DPRX: variants seen among roughly 807,000 people sequenced by gnomAD.
The protein encoded by DPRX is divergent-paired related homeobox.
Under a neutral mutation model 8.4 loss-of-function variants are expected in DPRX, and 11 were observed. The ratio of observed to expected loss-of-function variants is 1.31; its 90% CI spans 0.82 to 2.17. The LOEUF is 2.17. DPRX is among the 30% of genes most tolerant of loss of function. The pLI is 0.00. For synonymous variants in DPRX, 72 were observed against 87.0 expected (o/e 0.83, Z 0.96); for missense variants, 211 against 236.7 (o/e 0.89, Z 0.71).
chr19:53,610,148 T>G, the DPRX span, among the ~76,000 whole-genome samples: 1 of 2,866 alleles, frequency 3.5e-4, no homozygotes, highest in African/African-American at 3.9e-3. Flanking sequence ...CAAAACTGTG[T>G]CTCAAAAAAA....
chr19:53,634,811 C>T (rs2091106155), intron 2 of DPRX, 126 bp downstream of exon 2: 1 of 1,317,396 alleles, frequency 7.6e-7, no homozygotes, highest in South Asian at 1.6e-5. Context: ...CACTCTCCTA[C>T]TCACGTCCCC....
chr19:53,620,265 T>A, the DPRX span, among the ~76,000 whole-genome samples: 1 of 151,902 alleles, frequency 6.6e-6, no homozygotes. Flanking sequence ...GAGACAGGGT[T>A]TCACCATGTT....
chr19:53,613,852 T>G, the DPRX span, among the ~76,000 whole-genome samples: 3 of 152,058 alleles, frequency 2.0e-5, no homozygotes, highest in African/African-American at 7.2e-5. Flanking sequence ...CGAAGGAGAT[T>G]GAGGATTTTT....
the DPRX span, among the ~76,000 whole-genome samples, chr19:53,608,983 AAGAAAGAAAG>A: frequency 3.2e-4 from 46 of 143,512 alleles, no homozygotes; most frequent in Non-Finnish European, 5.5e-4. Flanking sequence ...AAGGAAAGAA[AAGAAAGAAAG>A]AGAAAGAAAG....
chr19:53,601,699 C>G, the DPRX span, among the ~76,000 whole-genome samples: 2 of 152,150 alleles, frequency 1.3e-5, no homozygotes, highest in Admixed American at 6.6e-5. Flanking sequence ...TCAGGCTGGT[C>G]CCGAACTCCT....
exon 3 of DPRX, chr19:53,636,976 T>C: frequency 6.3e-7 from 1 of 1,599,274 alleles, no homozygotes; most frequent in East Asian, 2.2e-5. Flanking sequence ...CTAACCAAAG[T>C]CGAGAGAGAT....
At chr19:53,617,334 G>A in the DPRX span, 9 of 552,002 alleles carry the variant, frequency 1.6e-5, no homozygotes, top group Admixed American at 5.4e-5. Flanking sequence ...CGAGGCGAGC[G>A]GATTATCTGA....
intron 2 of DPRX, among the ~76,000 whole-genome samples, chr19:53,635,794 A>G (rs1470749755): frequency 6.6e-6 from 1 of 152,090 alleles, no homozygotes; most frequent in Admixed American, 6.6e-5. Context: ...CGTAAAGCCT[A>G]TTCTTAGTGC....
upstream of DPRX, among the ~76,000 whole-genome samples, chr19:53,628,893 A>C (rs1007081456): frequency 2.6e-5 from 4 of 151,396 alleles, no homozygotes; most frequent in Non-Finnish European, 5.9e-5. Context: ...TGGCCCCAAA[A>C]CACTTTCCTA....
chr19:53,603,412 CAG>C, the DPRX span: 32 of 456,446 alleles, frequency 7.0e-5, no homozygotes, highest in African/African-American at 6.2e-4. Context: ...ATGGTGCTGA[CAG>C]GGCTCCACAG....
In DPRX at chr19:53,636,594, A is replaced by G; in HGVS notation, c.184-2A>G. 1 of 1,602,682 alleles carries G rather than the reference A, an allele frequency of 6.2e-7. No individual in the cohort carries two copies. On this transcript the variant is annotated splice_acceptor_variant, in intron 2 of 2. Transcript: ENST00000376650. LOFTEE classifies it high-confidence loss of function. ...CCATTCTCTTCTCTCTCTTCCCTTC[A>G]GGTCTGGTTCAAGAATCACAGAGCA...
At chr19:53,624,293 T>G in the DPRX span, among the ~76,000 whole-genome samples, 2 of 151,882 alleles carry the variant, frequency 1.3e-5, no homozygotes, top group Non-Finnish European at 1.5e-5. Context: ...TTTTGCCTGT[T>G]GCCCAGGCTG....
chr19:53,632,539 G>C (rs2091097229), intron 1 of DPRX, among the ~76,000 whole-genome samples: 1 of 151,666 alleles, frequency 6.6e-6, no homozygotes, highest in Non-Finnish European at 1.5e-5. Context: ...TCGAACTCCT[G>C]ACCTTGTGAT....
At chr19:53,631,993 G>T, upstream of DPRX, 1 of 1,434,640 alleles carries the variant, frequency 7.0e-7, no homozygotes. Context: ...GGCAGAGAAA[G>T]GTGGAGGAGG....
At chr19:53,605,443 C>T in the DPRX span, among the ~76,000 whole-genome samples, 24 of 150,048 alleles carry the variant, frequency 1.6e-4, no homozygotes, top group East Asian at 4.8e-3. Flanking sequence ...GTGGCGCGAT[C>T]TTAGCTCACA....
chr19:53,614,613 G>C, the DPRX span, among the ~76,000 whole-genome samples: 4 of 152,008 alleles, frequency 2.6e-5, no homozygotes, highest in Non-Finnish European at 5.9e-5. Context: ...AAGACATCTT[G>C]TTATAGCAAA....
At chr19:53,611,526 C>T in the DPRX span, among the ~76,000 whole-genome samples, 5 of 152,180 alleles carry the variant, frequency 3.3e-5, no homozygotes, top group South Asian at 2.1e-4. Flanking sequence ...AGCCTCCGCG[C>T]CTGGCCCTAA....
At chr19:53,628,409 G>A (rs2091079038), upstream of DPRX, among the ~76,000 whole-genome samples, 1 of 152,200 alleles carries the variant, frequency 6.6e-6, no homozygotes, top group Non-Finnish European at 1.5e-5. Context: ...GTACCAGCAT[G>A]AGGGAAAGCA....
chr19:53,636,600 G>A lies in DPRX; in HGVS notation c.188G>A (p.Trp63Ter). ...TCTTCTCTCTCTTCCCTTCAGGTCT[G>A]GTTCAAGAATCACAGAGCAAAACTC... Residue 63 changes from tryptophan (W) to a stop codon, truncating the protein, a stop_gained, in exon 3 of 3, where the codon TGG becomes TAG. Transcript: ENST00000376650. LOFTEE classifies it low-confidence loss of function (END_TRUNC). 6.2e-7 allele frequency: 1 copy of A among 1,608,164 alleles called. No individual in the cohort carries two copies. Among genetic ancestry groups the A allele is most frequent in the South Asian group, 1.1e-5 (1 of 90,616 alleles).
Sources: allele counts gnomAD v4.1 joint callset (sites outside exome capture counted in the v4.1 genomes callset), GRCh38; gene constraint gnomAD v4.1.1; transcripts MANE v1.5; gene names NCBI Gene and HGNC (gene_info 2026-07-23, HGNC 2026-07-21).